The following RFX2 variants were observed in gnomAD, a reference collection of about 807,000 sequenced individuals.
RFX2 encodes DNA-binding protein RFX2.
Under a neutral mutation model 87.8 loss-of-function variants are expected in RFX2, and 20 were observed. The observed-to-expected ratio is 0.23, with a 90% CI of 0.16 to 0.33. RFX2 has a LOEUF of 0.33. Among genes scored for constraint, RFX2 ranks in the 10% least tolerant of loss-of-function variants. The pLI, the probability that RFX2 is intolerant of heterozygous loss-of-function variation, is 1.00. For synonymous variants in RFX2, 397 were observed against 431.3 expected, an observed-to-expected ratio of 0.92 and a Z score of 0.98; for missense variants, 767 against 1,012.3, an observed-to-expected ratio of 0.76 and a Z score of 3.29.
At position 6,013,179 on chromosome 19, in the gene RFX2, T is replaced by C; in HGVS notation, c.780-74A>G. Reference sequence around the variant, plus strand: ...CAACAAGACAGGTTGGGATTCTTTTTCTTTCTTTCTTCTTTTTTTTTTTTG... The same window carrying C: ...CAACAAGACAGGTTGGGATTCTTTTCCTTTCTTTCTTCTTTTTTTTTTTTG... On this transcript the variant is annotated intron_variant, in intron 7 of 17. Transcript: ENST00000303657. This position sits in a 1 kb window ranked among gnomAD's most constrained non-coding sequence, Gnocchi z 4.1. 2.1e-6 allele frequency: 3 copies of C among 1,412,708 alleles called. No individual in the cohort carries two copies. The highest frequency in any genetic ancestry group is 2.8e-6 in the Non-Finnish European group (3 of 1,064,110). 87.5% of individuals were successfully genotyped at this position (1,412,708 alleles called of 1,614,324 possible). A position where few individuals can be genotyped will look rare whatever the true frequency, so the allele number is the denominator to read the frequency against.
intron 1 of RFX2, among the ~76,000 whole-genome samples, chr19:6,100,383 G>C (rs1599933950): frequency 6.6e-6 from 1 of 152,216 alleles, no homozygotes; most frequent in African/African-American, 2.4e-5. Flanking sequence ...CAAGGCGGTT[G>C]GGAGAAGAGG....
chr19:6,014,195 A>C (rs1020066644), intron 7 of RFX2, among the ~76,000 whole-genome samples: 1 of 152,122 alleles, frequency 6.6e-6, no homozygotes, highest in African/African-American at 2.4e-5. Flanking sequence ...AGGGACATGC[A>C]GGAAGCACCT....
In RFX2 at chr19:6,044,330, G is replaced by A. The variant is rs746888496; in HGVS notation, c.91-48C>T. ...CCAGTTAGACTTGTCAGAGGTCAGT[G>A]CTGAGGATACACACAGAATGTAAGA... On this transcript the variant is annotated intron_variant, in intron 2 of 17. Coordinates refer to ENST00000303657, the MANE Select transcript of RFX2 (RefSeq NM_000635.4). This position sits in a 1 kb window ranked among gnomAD's most constrained non-coding sequence, Gnocchi z 5.3. 4.5e-5 allele frequency: 53 copies of A among 1,183,180 alleles called. No homozygotes were observed. The highest frequency in any genetic ancestry group is 6.0e-5 in the Non-Finnish European group (52 of 863,958). 73.3% of individuals were successfully genotyped at this position (1,183,180 alleles called of 1,614,324 possible). A position where few individuals can be genotyped will look rare whatever the true frequency, so the allele number is the denominator to read the frequency against.
chr19:6,061,624 G>A lies in RFX2; in HGVS notation c.-8-14120C>T, dbSNP rs1056885013. ...TCTTACTGGGGAGTCGGCTGCAGCC[G>A]GGGGAAAAAGACTTTGCAACCTCCA... On this transcript the variant is annotated intron_variant, in intron 1 of 17. Transcript: ENST00000303657. This position sits in a 1 kb window ranked among gnomAD's most constrained non-coding sequence, Gnocchi z 5.2. Among the ~76,000 whole-genome samples the A allele has an allele frequency of 1.1e-4, 16 of 152,306 alleles. 1 individual carries two copies. The highest frequency in any genetic ancestry group is 1.4e-4 in the African/African-American group (6 of 41,568).
intron 1 of RFX2, among the ~76,000 whole-genome samples, chr19:6,060,318 A>C (rs989794934): frequency 6.6e-6 from 1 of 152,266 alleles, no homozygotes; most frequent in South Asian, 2.1e-4. Flanking sequence ...ACCCCAGCAG[A>C]AGCCTAAAAT....
chr19:6,042,239 A>C, intron 3 of RFX2, 116 bp from the exon 4 acceptor site: 1 of 897,646 alleles, frequency 1.1e-6, no homozygotes, highest in East Asian at 2.5e-5. Context: ...CCAAATGACA[A>C]TGTTCCCGCC....
intron 1 of RFX2, among the ~76,000 whole-genome samples, chr19:6,069,658 G>A (rs1056848843): frequency 1.3e-5 from 2 of 152,302 alleles, no homozygotes; most frequent in African/African-American, 4.8e-5. Context: ...AAGTGACTCT[G>A]GGGCTGAGTG....
At chr19:6,095,078 C>G (rs1301113309) in intron 1 of RFX2, among the ~76,000 whole-genome samples, 5 of 152,186 alleles carry the variant, frequency 3.3e-5, no homozygotes, top group Admixed American at 6.5e-5. Flanking sequence ...CGCCACCGCA[C>G]TCCAGCCTGG....
chr19:5,998,894 G>A lies in RFX2; in HGVS notation c.1860-1681C>T, dbSNP rs2144664215. Among the ~76,000 whole-genome samples, 1 of 152,362 alleles carries A rather than the reference G, an allele frequency of 6.6e-6. No homozygotes were observed. The highest frequency in any genetic ancestry group is 2.1e-4 in the South Asian group (1 of 4,828). On this transcript the variant is annotated intron_variant, in intron 15 of 17. Transcript: ENST00000303657. The surrounding 1 kb of genome is among the most constrained non-coding windows in gnomAD (Gnocchi z 4.2). Reference sequence around the variant, plus strand: ...TCAGTCCACATGCTACCATTTTCTAGTGGGTGCTACAGAAATAAATCCCGT... The same window carrying A: ...TCAGTCCACATGCTACCATTTTCTAATGGGTGCTACAGAAATAAATCCCGT...
At position 6,010,148 on chromosome 19, in the gene RFX2, G is replaced by A. The variant is rs921590326; in HGVS notation, c.1003C>T (p.Gln335Ter). 1 of 1,547,294 alleles carries A rather than the reference G, an allele frequency of 6.5e-7. No individual in the cohort carries two copies. The highest frequency in any genetic ancestry group is 8.7e-7 in the Non-Finnish European group (1 of 1,145,424). Reference sequence around the variant, plus strand: ...CCGGGCCTCTCACCTATGTACTGCTGGTGGTGCTGGCTCTGCACGGCCATG... The same window carrying A: ...CCGGGCCTCTCACCTATGTACTGCTAGTGGTGCTGGCTCTGCACGGCCATG... ...QTMAVQSQHH[Q>*]QYIDVSHVFP... is the part of the protein sequence containing the mutation. Residue 335 changes from glutamine to a stop codon, truncating the protein, a stop_gained, in exon 9 of 18, where the codon CAG (glutamine) becomes TAG (stop). Coordinates refer to ENST00000303657, the MANE Select transcript of RFX2 (RefSeq NM_000635.4). LOFTEE classifies it high-confidence loss of function. The surrounding 1 kb of genome is among the most constrained non-coding windows in gnomAD (Gnocchi z 5.0).
Position 6,021,072 on chromosome 19 carries a change from C to T in RFX2, c.598-4801G>A, listed in dbSNP as rs1320061714. Among the ~76,000 whole-genome samples, 1 of 152,180 alleles carries T rather than the reference C, an allele frequency of 6.6e-6. No homozygotes were observed. The highest frequency in any genetic ancestry group is 6.5e-5 in the Admixed American group (1 of 15,280). On this transcript the variant is annotated intron_variant, in intron 6 of 17. Coordinates refer to ENST00000303657, the MANE Select transcript of RFX2 (RefSeq NM_000635.4). The surrounding 1 kb of genome is among the most constrained non-coding windows in gnomAD (Gnocchi z 5.7). ...GCAGGGATCATGCCCACCTACCTGGCCCCCTTTGTCTCCTAAGATACTTGT... is the reference window on the plus strand; with the variant it reads ...GCAGGGATCATGCCCACCTACCTGGTCCCCTTTGTCTCCTAAGATACTTGT...
chr19:6,043,486 C>T (rs2087141761), intron 3 of RFX2, among the ~76,000 whole-genome samples: 1 of 152,280 alleles, frequency 6.6e-6, no homozygotes, highest in Admixed American at 6.5e-5. Flanking sequence ...ATTCAGGATT[C>T]TGCAGGGCAC....
intron 1 of RFX2, among the ~76,000 whole-genome samples, chr19:6,066,918 A>G (rs773975574): frequency 6.6e-6 from 1 of 152,170 alleles, no homozygotes; most frequent in African/African-American, 2.4e-5. Flanking sequence ...TCTATCTCAC[A>G]TTAACCAGAT....
chr19:5,999,006 A>G lies in RFX2; in HGVS notation c.1860-1793T>C, dbSNP rs1022186950. 2.6e-5 allele frequency among the ~76,000 whole-genome samples: 4 copies of G among 152,238 alleles called. No individual in the cohort carries two copies. The highest frequency in any genetic ancestry group is 5.9e-5 in the Non-Finnish European group (4 of 68,042). On this transcript the variant is annotated intron_variant, in intron 15 of 17. Transcript: ENST00000303657. The surrounding 1 kb of genome is among the most constrained non-coding windows in gnomAD (Gnocchi z 4.1). ...CGTGGTGGCTCATGACTGGAATCGCAGCACTTTGGGAGGCTGAGGCAGGTG... is the reference window on the plus strand; with the variant it reads ...CGTGGTGGCTCATGACTGGAATCGCGGCACTTTGGGAGGCTGAGGCAGGTG...
At chr19:6,006,877 C>A in intron 12 of RFX2, 135 bp downstream of exon 12, 2 of 964,978 alleles carry the variant, frequency 2.1e-6, no homozygotes, top group South Asian at 3.2e-5. Context: ...CTGGCATGAG[C>A]CACCGCGCCC....
intron 1 of RFX2, among the ~76,000 whole-genome samples, chr19:6,106,230 C>CCCAT (rs56665747): frequency 0.27 from 41,096 of 149,964 alleles, 6,285 homozygotes; most frequent in African/African-American, 0.43. Flanking sequence ...CATCGGCCTG[C>CCCAT]CCATCCATCC....
chr19:6,096,430 T>TTTTGG (rs2088024665), intron 1 of RFX2, among the ~76,000 whole-genome samples: 1 of 151,064 alleles, frequency 6.6e-6, no homozygotes, highest in Non-Finnish European at 1.5e-5. Flanking sequence ...TCGTTTTTGT[T>TTTTGG]TTTTGTTTTG....
rs12978722 is a variant in RFX2 at position 5,998,456 on chromosome 19, A to G, written c.1860-1243T>C. Among the ~76,000 whole-genome samples the G allele has an allele frequency of 0.24, 36,668 of 152,078 alleles. 5,452 individuals are homozygous for G. The highest frequency in any genetic ancestry group is 0.37 in the Middle Eastern group (109 of 292). On this transcript the variant is annotated intron_variant, in intron 15 of 17. Transcript: ENST00000303657. The surrounding 1 kb of genome is among the most constrained non-coding windows in gnomAD (Gnocchi z 4.2). ...CCCGGCTCGAAGTATACTTTCATAA[A>G]CTCTGTTACGTCTAATCGGTATCGA...
chr19:6,048,368 G>A (rs1356319349), intron 1 of RFX2, among the ~76,000 whole-genome samples: 2 of 152,168 alleles, frequency 1.3e-5, no homozygotes, highest in African/African-American at 2.4e-5. Context: ...ATTTAATATC[G>A]TGGCAGATGA....
Sources: gnomAD v4.1 joint callset for allele counts (sites outside exome capture counted in the v4.1 genomes callset) on GRCh38, gnomAD v4.1.1 for gene constraint, Gnocchi (gnomAD v3.1) non-coding constraint, MANE v1.5 for transcripts, NCBI Gene and HGNC (gene_info 2026-07-23, HGNC 2026-07-21) for gene names.